Variants in PLPPR5 observed in about 807,000 individuals in gnomAD.
PLPPR5 encodes phospholipid phosphatase related 5, also known as phospholipid phosphatase-related protein type 5.
In PLPPR5, 16 loss-of-function variants were observed where a neutral mutation model predicts 33.9. That is an observed-to-expected ratio of 0.47 (90% confidence interval 0.32 to 0.72). The LOEUF is 0.72. PLPPR5 is among the 30% of genes least tolerant of loss of function. The pLI is 0.03. For missense variants in PLPPR5, 301 were observed against 406.7 expected (o/e 0.74, Z 2.23); for synonymous variants, 163 against 150.3 (o/e 1.08, Z -0.62).
intron 5 of PLPPR5, among the ~76,000 whole-genome samples, chr1:98,904,916 C>A (rs1648840750): frequency 6.6e-6 from 1 of 152,170 alleles, no homozygotes; most frequent in Non-Finnish European, 1.5e-5. Context: ...TACTGTAAAT[C>A]ATGAGGTGAG....
chr1:98,921,867 T>C lies in PLPPR5; in HGVS notation c.798+15A>G. 1 of 1,587,934 alleles carries C rather than the reference T, an allele frequency of 6.3e-7. No individual in the cohort carries two copies. The highest frequency in any genetic ancestry group is 8.6e-7 in the Non-Finnish European group (1 of 1,167,124). On this transcript the variant is annotated intron_variant, in intron 4 of 5. Transcript: ENST00000263177. ...AATTAAAAACCCAATGATATATAAA[T>C]AAATTTGTACTTACCAGAAATACTG...
chr1:98,898,516 T>A (rs1047649326), intron 5 of PLPPR5, among the ~76,000 whole-genome samples: 1 of 152,196 alleles, frequency 6.6e-6, no homozygotes, highest in Non-Finnish European at 1.5e-5. Context: ...GAGTATGTGT[T>A]CGAAGGTTCT....
At chr1:98,937,909 A>T (rs1214537889) in intron 3 of PLPPR5, among the ~76,000 whole-genome samples, 1 of 152,242 alleles carries the variant, frequency 6.6e-6, no homozygotes, top group African/African-American at 2.4e-5. Flanking sequence ...TATGTATGTA[A>T]GCTTTAAATA....
intron 1 of PLPPR5, among the ~76,000 whole-genome samples, chr1:98,996,993 G>C (rs1652654541): frequency 1.3e-5 from 2 of 152,070 alleles, no homozygotes; most frequent in Non-Finnish European, 2.9e-5. Flanking sequence ...TTACCAACTG[G>C]AGCAAATTAC....
chr1:98,999,245 C>T (rs941952665), intron 1 of PLPPR5, among the ~76,000 whole-genome samples: 4 of 152,178 alleles, frequency 2.6e-5, no homozygotes, highest in Non-Finnish European at 5.9e-5. Flanking sequence ...GGAGCTAACA[C>T]GTATACAGCT....
At position 98,944,149 on chromosome 1, in the gene PLPPR5, A is replaced by G. The variant is rs12025366; in HGVS notation, c.621+8921T>C. Among the ~76,000 whole-genome samples the G allele has an allele frequency of 0.034, 5,252 of 152,250 alleles. 600 individuals are homozygous for G. In the East Asian group the frequency reaches 0.43, roughly 12 times the overall value. On this transcript the variant is annotated intron_variant, in intron 3 of 5. Coordinates refer to ENST00000263177, the MANE Select transcript of PLPPR5 (RefSeq NM_001037317.2). Reference sequence around the variant, plus strand: ...CAGATTTGGGGAGATAAATCCTACAATACTCAGGGCCTAATGACATCAATA... The same window carrying G: ...CAGATTTGGGGAGATAAATCCTACAGTACTCAGGGCCTAATGACATCAATA...
At chr1:98,926,838 A>C (rs1026692686) in intron 3 of PLPPR5, among the ~76,000 whole-genome samples, 7 of 152,334 alleles carry the variant, frequency 4.6e-5, no homozygotes, top group Middle Eastern at 3.4e-3. Context: ...TTTTCGTATA[A>C]AATTTTTATT....
At chr1:98,910,591 A>T (rs1450565002) in intron 5 of PLPPR5, among the ~76,000 whole-genome samples, 1 of 152,240 alleles carries the variant, frequency 6.6e-6, no homozygotes, top group East Asian at 1.9e-4. Flanking sequence ...AGAAAGATTA[A>T]TAAAAACAAG....
chr1:98,949,634 T>A (rs909558655), intron 3 of PLPPR5, among the ~76,000 whole-genome samples: 3 of 152,212 alleles, frequency 2.0e-5, no homozygotes, highest in Non-Finnish European at 4.4e-5. Context: ...TGAGACTGCA[T>A]TAGTTTGAAA....
chr1:98,971,234 A>G (rs1430653592), intron 1 of PLPPR5, among the ~76,000 whole-genome samples: 1 of 152,100 alleles, frequency 6.6e-6, no homozygotes, highest in Non-Finnish European at 1.5e-5. Flanking sequence ...ATTTCAGATA[A>G]TATTAACAGG....
chr1:99,004,665 G>T lies in PLPPR5; in HGVS notation c.7C>A (p.Leu3Met). 6.2e-7 allele frequency: 1 copy of T among 1,610,192 alleles called. No homozygotes were observed. Among genetic ancestry groups the T allele is most frequent in the Non-Finnish European group, 8.5e-7 (1 of 1,178,690 alleles). The change falls in exon 1 of 6, where the codon CTG (leucine) becomes ATG (methionine). Residue 3 changes from leucine to methionine, a missense_variant. By Grantham distance (15) the Leu-to-Met change is conservative. Coordinates refer to ENST00000263177, the MANE Select transcript of PLPPR5 (RefSeq NM_001037317.2). MP[L>M]LPAALTSSML... The stretch of plus-strand genomic sequence containing the variant: ...CTGCTGGTGAGCGCCGCGGGCAGCA[G>T]GGGCATGCACGCCTCCCGGGCCGGG...
intron 1 of PLPPR5, among the ~76,000 whole-genome samples, chr1:98,979,590 T>C (rs1467825134): frequency 2.0e-5 from 3 of 152,080 alleles, no homozygotes; most frequent in Non-Finnish European, 4.4e-5. Context: ...TTCATAATTA[T>C]ATTACCTCAC....
chr1:98,972,337 T>C (rs566661695), intron 1 of PLPPR5, among the ~76,000 whole-genome samples: 45 of 152,164 alleles, frequency 3.0e-4, no homozygotes, highest in African/African-American at 1.1e-3. Flanking sequence ...AGAAAACAAT[T>C]CTACTTAATG....
intron 5 of PLPPR5, among the ~76,000 whole-genome samples, chr1:98,911,904 C>T (rs989026330): frequency 2.0e-5 from 3 of 152,026 alleles, no homozygotes; most frequent in Non-Finnish European, 4.4e-5. Context: ...GTACTACAGG[C>T]ACATGCCACC....
At chr1:98,990,042 T>C (rs1339795538) in intron 1 of PLPPR5, among the ~76,000 whole-genome samples, 1 of 152,002 alleles carries the variant, frequency 6.6e-6, no homozygotes, top group Non-Finnish European at 1.5e-5. Flanking sequence ...CAGAAAAAAA[T>C]TGTTAAAAAG....
At chr1:98,952,006 T>TA (rs1482450986) in intron 3 of PLPPR5, among the ~76,000 whole-genome samples, 1 of 152,166 alleles carries the variant, frequency 6.6e-6, no homozygotes, top group Non-Finnish European at 1.5e-5. Flanking sequence ...CTCACGCCTG[T>TA]AATGCCAGCA....
At chr1:98,936,391 T>A (rs976837035) in intron 3 of PLPPR5, among the ~76,000 whole-genome samples, 2 of 152,184 alleles carry the variant, frequency 1.3e-5, no homozygotes, top group South Asian at 4.1e-4. Flanking sequence ...TAAGCAGCCA[T>A]AGACTCAGCT....
At chr1:98,980,023 G>T (rs1651999758) in intron 1 of PLPPR5, among the ~76,000 whole-genome samples, 1 of 151,900 alleles carries the variant, frequency 6.6e-6, no homozygotes, top group African/African-American at 2.4e-5. Flanking sequence ...TCTTTATCTT[G>T]GTTTTCCTGG....
intron 3 of PLPPR5, among the ~76,000 whole-genome samples, chr1:98,952,224 C>T (rs1207493090): frequency 6.8e-6 from 1 of 147,234 alleles, no homozygotes; most frequent in African/African-American, 2.5e-5. Context: ...GATTGCGCCA[C>T]TGCACTCCAG....
Sources: gnomAD v4.1 joint callset for allele counts (sites outside exome capture counted in the v4.1 genomes callset) on GRCh38, gnomAD v4.1.1 for gene constraint, MANE v1.5 for transcripts, NCBI Gene and HGNC (gene_info 2026-07-23, HGNC 2026-07-21) for gene names.